The following TBC1D30 variants were observed in gnomAD, a reference collection of about 807,000 sequenced individuals.
The protein encoded by TBC1D30 is TBC1 domain family, member 30.
TBC1D30 carries 31 observed loss-of-function variants against 63.2 expected under a neutral mutation model. The observed-to-expected ratio is 0.49, with a 90% CI of 0.37 to 0.66. The LOEUF is 0.66. Among genes scored for constraint, TBC1D30 ranks in the 30% least tolerant of loss-of-function variants. TBC1D30 has a pLI of 0.00. For synonymous variants in TBC1D30, 307 were observed against 361.5 expected (o/e 0.85, Z 1.71); for missense variants, 810 against 953.6 (o/e 0.85, Z 1.98).
chr12:64,773,488 C>G (rs1230115756), intron 1 of TBC1D30, among the ~76,000 whole-genome samples: 1 of 152,216 alleles, frequency 6.6e-6, no homozygotes, highest in South Asian at 2.1e-4. Context: ...AAAAGCATGG[C>G]CAGACTGCTT....
chr12:64,831,989 A>G, intron 4 of TBC1D30, 130 bp from the exon 5 acceptor site: 1 of 844,416 alleles, frequency 1.2e-6, no homozygotes, highest in East Asian at 2.7e-5. Flanking sequence ...CATATGTATA[A>G]AAACATACAC....
rs940704685 is a variant in TBC1D30 at position 64,824,698 on chromosome 12, G to A, written c.-182G>A. 5 of 767,474 alleles carry A rather than the reference G, an allele frequency of 6.5e-6. No homozygotes were observed. The highest frequency in any genetic ancestry group is 3.0e-5 in the East Asian group (1 of 32,964). 47.5% of individuals were successfully genotyped at this position (767,474 alleles called of 1,614,324 possible). On this transcript the variant is annotated 5_prime_UTR_variant, in exon 1 of 12. Coordinates refer to ENST00000539867, the MANE Select transcript of TBC1D30 (RefSeq NM_015279.2). ...GCCTGCTGGCTTCCCTGCGCTCGGC[G>A]GCTCCCGCGGTGCCCCGTAAGTCCC...
chr12:64,850,803 A>G (rs1387729092), intron 8 of TBC1D30, among the ~76,000 whole-genome samples: 1 of 152,122 alleles, frequency 6.6e-6, no homozygotes, highest in African/African-American at 2.4e-5. Context: ...TGAGTTAGGG[A>G]GGAGTCCCTC....
At chr12:64,860,731 C>CA (rs1216633732) in intron 8 of TBC1D30, among the ~76,000 whole-genome samples, 1 of 152,116 alleles carries the variant, frequency 6.6e-6, no homozygotes, top group African/African-American at 2.4e-5. Flanking sequence ...ACTTAAAGAT[C>CA]AGTTAAGCTA....
At chr12:64,828,573 G>T in intron 3 of TBC1D30, 64 bp downstream of exon 3, 1 of 1,074,726 alleles carries the variant, frequency 9.3e-7, no homozygotes, top group Non-Finnish European at 1.3e-6. Context: ...AGAGCCTCTG[G>T]AATGTCAAAA....
At chr12:64,817,736 A>G (rs991167333) in intron 2 of TBC1D30, among the ~76,000 whole-genome samples, 2 of 151,960 alleles carry the variant, frequency 1.3e-5, no homozygotes, top group Admixed American at 1.3e-4. Flanking sequence ...GATATGAGAA[A>G]CCTCTCCTTT....
At chr12:64,870,555 G>C (rs1261994562) in intron 10 of TBC1D30, 47 bp from the exon 11 acceptor site, 1 of 1,461,410 alleles carries the variant, frequency 6.8e-7, no homozygotes, top group Non-Finnish European at 9.3e-7. Context: ...ATTTACTCCT[G>C]TTCCCCTCCA....
intron 2 of TBC1D30, among the ~76,000 whole-genome samples, chr12:64,804,085 T>C (rs1228767058): frequency 1.3e-5 from 2 of 152,234 alleles, no homozygotes; most frequent in Non-Finnish European, 2.9e-5. Context: ...CCTTGGGCAG[T>C]ATGGTCATTT....
At position 64,875,565 on chromosome 12, in the gene TBC1D30, C is replaced by T. The variant is rs771645419; in HGVS notation, c.2063C>T (p.Ala688Val). Residue 688 changes from alanine (A) to valine (V), a missense_variant, in exon 12 of 12, where the codon GCA becomes GTA. Ala to Val is a moderately conservative substitution (Grantham distance 64). This residue lies in a region of TBC1D30 where 450 missense variants were observed against 473.0 expected (regional missense o/e 0.95). Transcript: ENST00000539867. ...CGGCACTGCCCAGAGCCGCCGAGTGCACCCGAAGAAAACAAAGCCACCAGC... is the reference window on the plus strand; with the variant it reads ...CGGCACTGCCCAGAGCCGCCGAGTGTACCCGAAGAAAACAAAGCCACCAGC... The part of the protein sequence containing the change: ...CQRHCPEPPS[A>V]PEENKATSKA... The T allele has an allele frequency of 2.6e-6, 4 of 1,536,050 alleles. No homozygotes were observed. The highest frequency in any genetic ancestry group is 2.4e-5 in the East Asian group (1 of 40,926).
chr12:64,828,543 G>A (rs1454234051), intron 3 of TBC1D30, 34 bp downstream of exon 3: 1 of 1,397,332 alleles, frequency 7.2e-7, no homozygotes, highest in Admixed American at 2.0e-5. Context: ...AATACAGAAG[G>A]ATCATCACTG....
intron 1 of TBC1D30, among the ~76,000 whole-genome samples, chr12:64,768,824 A>G (rs1369055405): frequency 6.6e-6 from 1 of 152,190 alleles, no homozygotes; most frequent in Non-Finnish European, 1.5e-5. Flanking sequence ...AGGCTGTATA[A>G]CAAAGGAATA....
Position 64,780,798 on chromosome 12 carries a change from C to T in TBC1D30, c.-11C>T. ...GAGCAGCGGGAGCCGGGCAGCCGCG[C>T]GCCGGGGACCATGGACGTCCTTCCC... On this transcript the variant is annotated 5_prime_UTR_variant, in exon 1 of 13. Transcript: ENST00000542120. 5 of 991,074 alleles carry T rather than the reference C, an allele frequency of 5.0e-6. No homozygotes were observed. The South Asian group carries it at 2.2e-4, about 43-fold the overall frequency. The allele number at this position is 991,074 out of a possible 1,614,324, so 61.4% of individuals were successfully genotyped here.
chr12:64,860,048 C>T (rs1336919847), intron 8 of TBC1D30, among the ~76,000 whole-genome samples: 2 of 148,418 alleles, frequency 1.3e-5, no homozygotes, highest in Non-Finnish European at 3.0e-5. Flanking sequence ...AACATGGTCT[C>T]ACTTTGTCAC....
intron 8 of TBC1D30, among the ~76,000 whole-genome samples, chr12:64,856,983 T>C (rs748007311): frequency 1.3e-5 from 2 of 151,992 alleles, no homozygotes; most frequent in African/African-American, 4.8e-5. Flanking sequence ...GAGTCACCCT[T>C]CAGGGCAGTG....
chr12:64,857,909 C>T (rs1877446822), intron 8 of TBC1D30, among the ~76,000 whole-genome samples: 1 of 152,208 alleles, frequency 6.6e-6, no homozygotes, highest in Admixed American at 6.5e-5. Context: ...CCTCTAGTCA[C>T]TGCACTCTCC....
chr12:64,825,089 C>T (rs369819262), intron 1 of TBC1D30, 56 bp downstream of exon 1: 15 of 1,499,252 alleles, frequency 1.0e-5, no homozygotes, highest in African/African-American at 2.8e-5. Context: ...GGGCTGCCCG[C>T]GCTTCTGCCT....
rs1042353660 is a variant in TBC1D30, at chr12:64,878,950, C to T, written c.*3162C>T. Reference sequence around the variant, plus strand: ...ATGAACAATAAATATAGTTTAGCTGCATGGCATTAAGGATTCTGTATGAAT... The same window carrying T: ...ATGAACAATAAATATAGTTTAGCTGTATGGCATTAAGGATTCTGTATGAAT... On this transcript the variant is annotated 3_prime_UTR_variant, in exon 12 of 12. Transcript: ENST00000539867. 3.7e-5 allele frequency: 6 copies of T among 160,776 alleles called. No homozygotes were observed. Among genetic ancestry groups the T allele is most frequent in the African/African-American group, 1.4e-4 (6 of 41,690 alleles). 10.0% of individuals were successfully genotyped at this position (160,776 alleles called of 1,614,324 possible).
chr12:64,832,624 C>T (rs1380384997), intron 5 of TBC1D30, among the ~76,000 whole-genome samples: 1 of 152,232 alleles, frequency 6.6e-6, no homozygotes, highest in Admixed American at 6.5e-5. Context: ...TATTATCTTA[C>T]AGTTTCTTTG....
Position 64,878,794 on chromosome 12 carries a change from G to T in TBC1D30, c.*3006G>T. On this transcript the variant is annotated 3_prime_UTR_variant, in exon 12 of 12. Coordinates refer to ENST00000539867, the MANE Select transcript of TBC1D30 (RefSeq NM_015279.2). ...TCTCCCCCAGTCTAATCGCTGGGTT[G>T]CAGGGTGGCCTGTGACCTGCCCAGC... 1 of 280,402 alleles carries T rather than the reference G, an allele frequency of 3.6e-6. No homozygotes were observed. Among genetic ancestry groups the T allele is most frequent in the Non-Finnish European group, 7.1e-6 (1 of 140,634 alleles). The allele number at this position is 280,402 out of a possible 1,614,324, so 17.4% of individuals were successfully genotyped here.
Sources: allele counts gnomAD v4.1 joint callset (sites outside exome capture counted in the v4.1 genomes callset), GRCh38; gene constraint gnomAD v4.1.1; regional missense constraint gnomAD v4.1.1; transcripts MANE v1.5; gene names NCBI Gene and HGNC (gene_info 2026-07-23, HGNC 2026-07-21).